Variants in C14orf132 observed in about 807,000 individuals in gnomAD.
C14orf132 encodes the protein chromosome 14 open reading frame 132.
In C14orf132, 6 loss-of-function variants were observed where a neutral mutation model predicts 5.8. That is an observed-to-expected ratio of 1.03 (90% CI 0.57 to 2.04). C14orf132 has a LOEUF of 2.04. C14orf132 is among the 30% of genes most tolerant of loss of function. The probability of loss-of-function intolerance (pLI) is 0.00; values close to 1 mark genes in which losing one functional copy is unlikely to be tolerated. For synonymous variants in C14orf132, 51 were observed against 49.8 expected (o/e 1.02, Z -0.10); for missense variants, 125 against 115.8 (o/e 1.08, Z -0.37).
At position 96,091,308 on chromosome 14, in the gene C14orf132, G is replaced by A. The variant is rs1354669727; in HGVS notation, c.*4573G>A. On this transcript the variant is annotated 3_prime_UTR_variant, in exon 2 of 2. Coordinates refer to ENST00000555004, the MANE Select transcript of C14orf132 (RefSeq NM_001252507.3). ...AAGTGTAAGTCCAGGAAAGGGGCAG[G>A]CGGCAGTGCACAGGGATTTATCAGT... is the stretch of plus-strand genomic sequence containing the variant. 8 of 338,018 alleles carry A rather than the reference G, an allele frequency of 2.4e-5. No homozygotes were observed. The East Asian group carries it at 5.5e-4, about 23-fold the overall frequency. 20.9% of individuals were successfully genotyped at this position (338,018 alleles called of 1,614,324 possible).
At position 96,075,361 on chromosome 14, in the gene C14orf132, A is replaced by C. The variant is rs145449983; in HGVS notation, c.28-11150A>C. Reference sequence around the variant, plus strand: ...TTCTTCTGCAATTAGAGATAGTTTTATGTCTTCTTTATATATAAGGCATCT... The same window carrying C: ...TTCTTCTGCAATTAGAGATAGTTTTCTGTCTTCTTTATATATAAGGCATCT... On this transcript the variant is annotated intron_variant, in intron 1 of 1. Transcript: ENST00000555004. Among the ~76,000 whole-genome samples, 4 of 152,248 alleles carry C rather than the reference A, an allele frequency of 2.6e-5. No homozygotes were observed. In the East Asian group the frequency reaches 7.7e-4, roughly 29 times the overall value.
chr14:96,063,304 T>TTTTG (rs546759941), intron 1 of C14orf132, among the ~76,000 whole-genome samples: 123 of 152,198 alleles, frequency 8.1e-4, no homozygotes, highest in Non-Finnish European at 1.4e-3. Flanking sequence ...TGTGGTATCC[T>TTTTG]TTTGTTTGTT....
intron 1 of C14orf132, among the ~76,000 whole-genome samples, chr14:96,049,635 T>C (rs1434928279): frequency 1.6e-5 from 1 of 62,904 alleles, no homozygotes. Context: ...TATATACATA[T>C]ATACGTATAT....
At chr14:96,079,989 T>G (rs1243807714) in intron 1 of C14orf132, among the ~76,000 whole-genome samples, 1 of 152,250 alleles carries the variant, frequency 6.6e-6, no homozygotes, top group Non-Finnish European at 1.5e-5. Context: ...GATATACTTA[T>G]GCTAATATGT....
chr14:96,069,015 T>C (rs1286330458), intron 1 of C14orf132, among the ~76,000 whole-genome samples: 1 of 151,728 alleles, frequency 6.6e-6, no homozygotes, highest in Non-Finnish European at 1.5e-5. Context: ...TCGGATTGGG[T>C]TTTACCCCCT....
At chr14:96,076,686 G>C (rs1040527063) in intron 1 of C14orf132, among the ~76,000 whole-genome samples, 4 of 152,188 alleles carry the variant, frequency 2.6e-5, no homozygotes, top group African/African-American at 7.2e-5. Context: ...GCCACATTCT[G>C]TCCTGGGATG....
Position 96,073,064 on chromosome 14 carries a change from C to A in C14orf132, c.28-13447C>A, listed in dbSNP as rs927755997. ...TTGTAAGAACTGGCTAAACTGCTTT[C>A]TTTAAATGGCTGCATAATTGCTTCC... On this transcript the variant is annotated intron_variant, in intron 1 of 1. Coordinates refer to ENST00000555004, the MANE Select transcript of C14orf132 (RefSeq NM_001252507.3). Among the ~76,000 whole-genome samples the A allele has an allele frequency of 6.6e-5, 10 of 152,244 alleles. 1 individual carries two copies. The highest frequency in any genetic ancestry group is 1.9e-4 in the East Asian group (1 of 5,186).
intron 1 of C14orf132, among the ~76,000 whole-genome samples, chr14:96,053,822 C>T (rs999154764): frequency 6.6e-6 from 1 of 152,214 alleles, no homozygotes; most frequent in African/African-American, 2.4e-5. Context: ...GATGTGGTCC[C>T]ACCCACAGTC....
At chr14:96,073,038 T>C (rs1251110180) in intron 1 of C14orf132, among the ~76,000 whole-genome samples, 2 of 152,212 alleles carry the variant, frequency 1.3e-5, no homozygotes, top group Admixed American at 6.5e-5. Context: ...TATGTTTAAC[T>C]TTGTAAGAAC....
intron 1 of C14orf132, among the ~76,000 whole-genome samples, chr14:96,085,168 G>A (rs1220511350): frequency 6.6e-6 from 1 of 152,230 alleles, no homozygotes; most frequent in Non-Finnish European, 1.5e-5. Context: ...CACCAGGATT[G>A]TTGAGTGATT....
At chr14:96,063,825 G>A (rs1167718954) in intron 1 of C14orf132, among the ~76,000 whole-genome samples, 6 of 152,190 alleles carry the variant, frequency 3.9e-5, no homozygotes, top group Middle Eastern at 3.4e-3. Flanking sequence ...CTATACATCT[G>A]ACAAAGGACT....
At chr14:96,060,294 G>T (rs1438367191) in intron 1 of C14orf132, among the ~76,000 whole-genome samples, 1 of 152,146 alleles carries the variant, frequency 6.6e-6, no homozygotes, top group Admixed American at 6.5e-5. Flanking sequence ...GGTGTCACAG[G>T]CCCAGGTCTC....
At chr14:96,057,248 C>T (rs1887211971) in intron 1 of C14orf132, among the ~76,000 whole-genome samples, 1 of 152,228 alleles carries the variant, frequency 6.6e-6, no homozygotes, top group South Asian at 2.1e-4. Context: ...GGTGAATGCA[C>T]TCCTTCTGTC....
chr14:96,079,028 A>G (rs1437578247), intron 1 of C14orf132, among the ~76,000 whole-genome samples: 4 of 152,222 alleles, frequency 2.6e-5, no homozygotes, highest in Non-Finnish European at 5.9e-5. Flanking sequence ...TAATCCACAT[A>G]AAATAAACCA....
chr14:96,040,293 A>G, intron 1 of C14orf132: 1 of 398,434 alleles, frequency 2.5e-6, no homozygotes, highest in Non-Finnish European at 4.4e-6. Flanking sequence ...CAAATCCCGG[A>G]TTTCTCCATC....
rs761816827 is a variant in C14orf132 at position 96,086,549 on chromosome 14, C to A, written c.66C>A (p.Asn22Lys). Residue 22 changes from asparagine (N) to lysine (K), a missense_variant, in exon 2 of 2, where the codon AAC becomes AAA. Coordinates refer to ENST00000555004, the MANE Select transcript of C14orf132 (RefSeq NM_001252507.3). ...GGGGAGCTTTCATGGACTCGCCCAA[C>A]GAGGACTTCAGCACCGAGTACTCCC... ...MMGGAFMDSPNEDFSTEYSLF... is the reference protein window; with the variant it reads ...MMGGAFMDSPKEDFSTEYSLF... 8 of 1,536,104 alleles carry A rather than the reference C, an allele frequency of 5.2e-6. No homozygotes were observed. The highest frequency in any genetic ancestry group is 7.0e-6 in the Non-Finnish European group (8 of 1,146,900).
chr14:96,060,783 A>G (rs1185896897), intron 1 of C14orf132, among the ~76,000 whole-genome samples: 1 of 152,140 alleles, frequency 6.6e-6, no homozygotes, highest in Non-Finnish European at 1.5e-5. Flanking sequence ...AATCCAGCAA[A>G]CACATCTGTC....
chr14:96,062,792 A>G (rs1341202724), intron 1 of C14orf132, among the ~76,000 whole-genome samples: 2 of 152,182 alleles, frequency 1.3e-5, no homozygotes, highest in Non-Finnish European at 2.9e-5. Context: ...TGCCAGGTAC[A>G]TTCTTCCTTG....
rs371568067 is a variant in C14orf132, at chr14:96,068,457, G to A, written c.28-18054G>A. Among the ~76,000 whole-genome samples, 349 of 152,282 alleles carry A rather than the reference G, an allele frequency of 2.3e-3. 22 individuals carry two copies. In the South Asian group the frequency reaches 0.07, roughly 31 times the overall value. ...TGCAGATTCGTGGGCGCTGATTCCA[G>A]CCTTCAGCCTCCCTGTCTGTAGAAA... On this transcript the variant is annotated intron_variant, in intron 1 of 1. Coordinates refer to ENST00000555004, the MANE Select transcript of C14orf132 (RefSeq NM_001252507.3).
Sources: gnomAD v4.1 joint callset for allele counts (sites outside exome capture counted in the v4.1 genomes callset) on GRCh38, gnomAD v4.1.1 for gene constraint, MANE v1.5 for transcripts, NCBI Gene and HGNC (gene_info 2026-07-23, HGNC 2026-07-21) for gene names.